RGL1: variants seen among roughly 807,000 people sequenced by gnomAD.
RGL1 encodes ral guanine nucleotide dissociation stimulator like 1.
Under a neutral mutation model 95.2 loss-of-function variants are expected in RGL1, and 24 were observed. That is an observed-to-expected ratio of 0.25 (90% CI 0.18 to 0.35). The LOEUF (loss-of-function observed/expected upper bound fraction) is 0.35. Among genes scored for constraint, RGL1 ranks in the 10% least tolerant of loss-of-function variants. The probability of loss-of-function intolerance (pLI) is 1.00; values close to 1 mark genes in which losing one functional copy is unlikely to be tolerated. For missense variants in RGL1, 715 were observed against 936.3 expected, an observed-to-expected ratio of 0.76 and a Z score of 3.08; for synonymous variants, 329 against 344.9, an observed-to-expected ratio of 0.95 and a Z score of 0.51.
intron 1 of RGL1, among the ~76,000 whole-genome samples, chr1:183,697,798 G>T (rs2102131947): frequency 6.6e-6 from 1 of 152,306 alleles, no homozygotes; most frequent in East Asian, 1.9e-4. Context: ...TAATCTAATT[G>T]AGTATATTGA....
At chr1:183,677,001 AT>A (rs941670784) in intron 1 of RGL1, among the ~76,000 whole-genome samples, 2 of 151,736 alleles carry the variant, frequency 1.3e-5, no homozygotes, top group Non-Finnish European at 2.9e-5. Context: ...CAAATTATTG[AT>A]TCATTGAACA....
chr1:183,768,461 CTTT>C (rs71130639), intron 2 of RGL1, among the ~76,000 whole-genome samples: 1 of 83,850 alleles, frequency 1.2e-5, no homozygotes, highest in East Asian at 3.7e-4. Context: ...CTTTAGATAA[CTTT>C]TTTTTTTTTT....
chr1:183,905,827 A>C (rs1668287560), intron 13 of RGL1, among the ~76,000 whole-genome samples: 1 of 152,222 alleles, frequency 6.6e-6, no homozygotes, highest in Non-Finnish European at 1.5e-5. Flanking sequence ...GAACAAAAAA[A>C]GAATATTTTG....
chr1:183,806,886 C>G (rs546100365), intron 2 of RGL1, among the ~76,000 whole-genome samples: 16 of 152,170 alleles, frequency 1.1e-4, no homozygotes, highest in Non-Finnish European at 1.9e-4. Flanking sequence ...GTCTGCCTTG[C>G]TCCTATATCT....
intron 1 of RGL1, among the ~76,000 whole-genome samples, chr1:183,713,002 C>T (rs1305942670): frequency 3.3e-5 from 5 of 151,978 alleles, no homozygotes; most frequent in African/African-American, 1.2e-4. Context: ...CTTTGATGAT[C>T]GTGTGTGTCA....
chr1:183,722,120 T>C (rs1656043381), intron 1 of RGL1, among the ~76,000 whole-genome samples: 1 of 151,600 alleles, frequency 6.6e-6, no homozygotes, highest in Admixed American at 6.6e-5. Context: ...CAGAGAAGTC[T>C]GTGGAGGAGC....
chr1:183,681,101 A>G (rs527857707), intron 1 of RGL1, among the ~76,000 whole-genome samples: 5 of 152,338 alleles, frequency 3.3e-5, no homozygotes, highest in Non-Finnish European at 7.3e-5. Flanking sequence ...TTCTAAATAT[A>G]TAATCATGTC....
intron 1 of RGL1, among the ~76,000 whole-genome samples, chr1:183,677,108 T>C (rs12404517): frequency 1.7e-4 from 26 of 151,910 alleles, no homozygotes; most frequent in Admixed American, 1.4e-3. Context: ...TTTTACCTAT[T>C]GTCCTGGCAT....
chr1:183,729,284 A>G (rs1020492154), intron 1 of RGL1, among the ~76,000 whole-genome samples: 1 of 152,144 alleles, frequency 6.6e-6, no homozygotes, highest in Non-Finnish European at 1.5e-5. Flanking sequence ...AACCAATTAT[A>G]AAGTCAATAA....
At chr1:183,712,544 C>T (rs552981380) in intron 1 of RGL1, among the ~76,000 whole-genome samples, 1 of 152,282 alleles carries the variant, frequency 6.6e-6, no homozygotes, top group African/African-American at 2.4e-5. Context: ...TTCATGTGAA[C>T]AATTTCTATT....
chr1:183,759,899 T>C (rs970366896), intron 2 of RGL1, among the ~76,000 whole-genome samples: 17 of 152,270 alleles, frequency 1.1e-4, no homozygotes, highest in African/African-American at 4.1e-4. Flanking sequence ...GAAGACATCC[T>C]TGATTTTTCT....
intron 1 of RGL1, among the ~76,000 whole-genome samples, chr1:183,704,374 G>T (rs1654775211): frequency 6.6e-6 from 1 of 152,176 alleles, no homozygotes; most frequent in South Asian, 2.1e-4. Flanking sequence ...TTGATCTGTT[G>T]TCTGGCTGCT....
At chr1:183,728,761 T>A (rs1187613584) in intron 1 of RGL1, among the ~76,000 whole-genome samples, 1 of 152,218 alleles carries the variant, frequency 6.6e-6, no homozygotes, top group African/African-American at 2.4e-5. Context: ...AGCAATCAAG[T>A]TGGTGTGTTA....
chr1:183,882,727 A>C (rs561697204), intron 5 of RGL1, among the ~76,000 whole-genome samples: 1 of 152,306 alleles, frequency 6.6e-6, no homozygotes, highest in East Asian at 1.9e-4. Context: ...GCTGCCCTAA[A>C]GGGGAAGTGG....
intron 1 of RGL1, chr1:183,742,035 A>G: frequency 4.2e-6 from 4 of 963,028 alleles, no homozygotes; most frequent in Non-Finnish European, 6.3e-6. Flanking sequence ...TGGTCTCACT[A>G]GTCAGAAGTC....
At chr1:183,796,001 A>G (rs1660679847) in intron 2 of RGL1, among the ~76,000 whole-genome samples, 1 of 152,012 alleles carries the variant, frequency 6.6e-6, no homozygotes, top group Admixed American at 6.6e-5. Flanking sequence ...AGATAATAAC[A>G]ATGATGATGA....
intron 1 of RGL1, among the ~76,000 whole-genome samples, chr1:183,674,231 A>G (rs902559237): frequency 1.3e-5 from 2 of 152,138 alleles, no homozygotes; most frequent in African/African-American, 4.8e-5. Flanking sequence ...ATATGTCATT[A>G]AAAAAACACT....
At chr1:183,913,182 C>CT (rs537751695) in intron 15 of RGL1, among the ~76,000 whole-genome samples, 11,696 of 68,248 alleles carry the variant, frequency 0.17, 3,568 homozygotes, top group Non-Finnish European at 0.2. Context: ...GACCAGTCTT[C>CT]TTTTTTTTTT....
intron 2 of RGL1, among the ~76,000 whole-genome samples, chr1:183,787,441 C>T (rs1660233008): frequency 1.3e-5 from 2 of 152,152 alleles, no homozygotes; most frequent in South Asian, 4.1e-4. Flanking sequence ...CTTCCATTTC[C>T]TGGTCAAGGA....
Sources: gnomAD v4.1 joint callset for allele counts (sites outside exome capture counted in the v4.1 genomes callset) on GRCh38, gnomAD v4.1.1 for gene constraint, MANE v1.5 for transcripts, NCBI Gene and HGNC (gene_info 2026-07-23, HGNC 2026-07-21) for gene names.